The following PEBP4 variants were observed in gnomAD, a reference collection of about 807,000 sequenced individuals.
The protein encoded by PEBP4 is phosphatidylethanolamine-binding protein 4.
A neutral mutation model predicts 23.9 loss-of-function variants in PEBP4; 22 were observed. The ratio of observed to expected loss-of-function variants is 0.92; its 90% CI spans 0.66 to 1.31. The LOEUF (loss-of-function observed/expected upper bound fraction) is 1.31, where lower values mean the gene tolerates loss of function less well. Among genes scored for constraint, PEBP4 ranks in the 40% most tolerant of loss-of-function variants. The pLI is 0.00. For missense variants in PEBP4, 324 were observed against 281.7 expected (o/e 1.15, Z -1.07); for synonymous variants, 112 against 99.3 (o/e 1.13, Z -0.76).
chr8:22,850,194 G>A (rs1346382817), intron 3 of PEBP4, among the ~76,000 whole-genome samples: 1 of 152,108 alleles, frequency 6.6e-6, no homozygotes, highest in African/African-American at 2.4e-5. Flanking sequence ...GAGCTGGGAT[G>A]ATTCTTGTTC....
chr8:22,737,701 TC>T (rs1647745232), intron 4 of PEBP4, among the ~76,000 whole-genome samples: 1 of 152,200 alleles, frequency 6.6e-6, no homozygotes, highest in Non-Finnish European at 1.5e-5. Flanking sequence ...TGGGCTTCAG[TC>T]CAATGTCATT....
chr8:22,802,404 T>C (rs1235501102), intron 4 of PEBP4, among the ~76,000 whole-genome samples: 1 of 152,238 alleles, frequency 6.6e-6, no homozygotes, highest in Non-Finnish European at 1.5e-5. Flanking sequence ...ATGGGGCTTG[T>C]CCTTCTCCAG....
chr8:22,914,238 T>C (rs1809018915), intron 3 of PEBP4, among the ~76,000 whole-genome samples: 1 of 152,122 alleles, frequency 6.6e-6, no homozygotes, highest in Non-Finnish European at 1.5e-5. Flanking sequence ...CACCTCAGCC[T>C]CCCAAAGTGC....
At chr8:22,718,815 G>T (rs1804463486) in intron 6 of PEBP4, among the ~76,000 whole-genome samples, 1 of 152,146 alleles carries the variant, frequency 6.6e-6, no homozygotes, top group East Asian at 1.9e-4. Context: ...TGGTCTCCAG[G>T]CAGGGCCCCC....
intron 6 of PEBP4, among the ~76,000 whole-genome samples, chr8:22,713,998 T>C (rs1026849050): frequency 2.0e-5 from 3 of 152,186 alleles, no homozygotes; most frequent in Non-Finnish European, 4.4e-5. Context: ...GGGGCTGAGA[T>C]TGGTGGAAGT....
intron 3 of PEBP4, among the ~76,000 whole-genome samples, chr8:22,843,924 C>T (rs893119435): frequency 2.0e-5 from 3 of 152,202 alleles, no homozygotes; most frequent in Non-Finnish European, 4.4e-5. Flanking sequence ...ACAAGCACTT[C>T]GCTCTTGGGG....
chr8:22,741,363 G>A (rs928977257), intron 4 of PEBP4, among the ~76,000 whole-genome samples: 1 of 152,212 alleles, frequency 6.6e-6, no homozygotes, highest in African/African-American at 2.4e-5. Flanking sequence ...AGGGCCTGCT[G>A]GGGTCCAAGG....
At chr8:22,937,336 G>A (rs1007357317) in intron 1 of PEBP4, among the ~76,000 whole-genome samples, 1 of 152,142 alleles carries the variant, frequency 6.6e-6, no homozygotes, top group African/African-American at 2.4e-5. Context: ...AAACAACTCT[G>A]TTTATGATTA....
intron 3 of PEBP4, among the ~76,000 whole-genome samples, chr8:22,904,106 T>C (rs1808761963): frequency 6.6e-6 from 1 of 152,214 alleles, no homozygotes; most frequent in Non-Finnish European, 1.5e-5. Flanking sequence ...GCAAGGCTGA[T>C]TAATGAGAAA....
rs542830634 is a variant in PEBP4 at position 22,933,657 on chromosome 8, G to A, written c.145-5937C>T. ...AGTTGATTACCACCAGCACTGCCCTGCAAGAAATGCTGAAAGTAGATCTTC... is the reference window on the plus strand; with the variant it reads ...AGTTGATTACCACCAGCACTGCCCTACAAGAAATGCTGAAAGTAGATCTTC... On this transcript the variant is annotated intron_variant, in intron 1 of 1. Coordinates refer to the PEBP4 transcript ENST00000522278. 8.5e-5 allele frequency among the ~76,000 whole-genome samples: 13 copies of A among 152,320 alleles called. 1 individual carries two copies. In the South Asian group the frequency reaches 2.3e-3, roughly 27 times the overall value.
chr8:22,731,621 T>C (rs1362129424), intron 4 of PEBP4, among the ~76,000 whole-genome samples: 1 of 141,284 alleles, frequency 7.1e-6, no homozygotes, highest in African/African-American at 3.0e-5. Context: ...ATTGTTTTAT[T>C]TATTTATTTA....
chr8:22,850,611 A>G (rs1377079766), intron 3 of PEBP4, among the ~76,000 whole-genome samples: 4 of 152,190 alleles, frequency 2.6e-5, no homozygotes, highest in Admixed American at 6.5e-5. Flanking sequence ...AGCAGGGGCT[A>G]TGAGCCTAGC....
intron 4 of PEBP4, among the ~76,000 whole-genome samples, chr8:22,791,224 G>A (rs900930984): frequency 2.0e-5 from 3 of 152,164 alleles, no homozygotes; most frequent in African/African-American, 7.2e-5. Flanking sequence ...GGCTCCTGGA[G>A]AAGCTCGGGC....
At chr8:22,926,447 C>T (rs2941090) in intron 2 of PEBP4, among the ~76,000 whole-genome samples, 41,203 of 151,772 alleles carry the variant, frequency 0.27, 5,902 homozygotes, top group East Asian at 0.45. Context: ...TGGGTTTAAG[C>T]GATCCTCCCA....
chr8:22,799,279 G>A (rs1447586739), intron 4 of PEBP4, among the ~76,000 whole-genome samples: 1 of 152,214 alleles, frequency 6.6e-6, no homozygotes, highest in Non-Finnish European at 1.5e-5. Flanking sequence ...CCAGCCAAAA[G>A]TCCAGTGTTG....
chr8:22,892,625 T>A (rs1808516643), intron 3 of PEBP4, among the ~76,000 whole-genome samples: 1 of 152,226 alleles, frequency 6.6e-6, no homozygotes, highest in African/African-American at 2.4e-5. Flanking sequence ...CAGAGCCTCA[T>A]GTTTGGGGTT....
At chr8:22,906,007 C>A (rs1808804192) in intron 3 of PEBP4, among the ~76,000 whole-genome samples, 1 of 152,114 alleles carries the variant, frequency 6.6e-6, no homozygotes, top group South Asian at 2.1e-4. Context: ...ACTCTATTTG[C>A]AAGATGAAGA....
intron 3 of PEBP4, among the ~76,000 whole-genome samples, chr8:22,853,256 A>G (rs1362908820): frequency 6.6e-6 from 1 of 152,198 alleles, no homozygotes; most frequent in Non-Finnish European, 1.5e-5. Flanking sequence ...AACCAGTGTG[A>G]CAGATTTCTT....
At chr8:22,856,325 T>A (rs765279823) in intron 3 of PEBP4, among the ~76,000 whole-genome samples, 3 of 152,348 alleles carry the variant, frequency 2.0e-5, no homozygotes, top group Admixed American at 1.3e-4. Flanking sequence ...GGTAATTATT[T>A]TAACAAATTC....
Sources: gnomAD v4.1 joint callset for allele counts (sites outside exome capture counted in the v4.1 genomes callset) on GRCh38, gnomAD v4.1.1 for gene constraint, MANE v1.5 for transcripts, NCBI Gene and HGNC (gene_info 2026-07-23, HGNC 2026-07-21) for gene names.